DPP6: variants seen among roughly 807,000 people sequenced by gnomAD.
The protein encoded by DPP6 is A-type potassium channel modulatory protein DPP6.
In DPP6, 69 loss-of-function variants were observed where a neutral mutation model predicts 122.6. The observed-to-expected ratio is 0.56, with a 90% confidence interval of 0.46 to 0.69. The LOEUF is 0.69. Among genes scored for constraint, DPP6 ranks in the 30% least tolerant of loss-of-function variants. DPP6 has a pLI of 0.00. For missense variants in DPP6, 928 were observed against 1,116.9 expected, an observed-to-expected ratio of 0.83 and a Z score of 2.41; for synonymous variants, 418 against 433.1, an observed-to-expected ratio of 0.97 and a Z score of 0.43.
chr7:154,482,720 T>C (rs914311697), intron 3 of DPP6, among the ~76,000 whole-genome samples: 5 of 152,228 alleles, frequency 3.3e-5, no homozygotes, highest in Non-Finnish European at 7.3e-5. Flanking sequence ...TGTGCCTTAA[T>C]TTGCGCCATC....
intron 24 of DPP6, 40 bp downstream of exon 24, chr7:154,889,384 G>A (rs1806419996): frequency 1.2e-6 from 2 of 1,609,280 alleles, no homozygotes; most frequent in South Asian, 1.1e-5. Context: ...TATCTAGTAA[G>A]AGCCTCCTCC....
chr7:154,729,684 A>G (rs1275796665), intron 8 of DPP6, among the ~76,000 whole-genome samples: 1 of 152,224 alleles, frequency 6.6e-6, no homozygotes, highest in African/African-American at 2.4e-5. Context: ...TCTAACAGAC[A>G]TACTGGAACC....
chr7:154,226,653 G>A (rs1024504946), intron 1 of DPP6, among the ~76,000 whole-genome samples: 1 of 152,142 alleles, frequency 6.6e-6, no homozygotes, highest in Non-Finnish European at 1.5e-5. Flanking sequence ...TTTCAGGATC[G>A]ACTCTACATG....
chr7:154,338,961 G>A (rs1443041788), intron 1 of DPP6, among the ~76,000 whole-genome samples: 1 of 152,178 alleles, frequency 6.6e-6, no homozygotes, highest in Non-Finnish European at 1.5e-5. Context: ...CGATGTGCGG[G>A]TGCCAATCTG....
Position 154,664,345 on chromosome 7 carries a change from C to T in DPP6, c.681-5015C>T, listed in dbSNP as rs549312984. On this transcript the variant is annotated intron_variant, in intron 6 of 25. Coordinates refer to ENST00000377770, the MANE Select transcript of DPP6 (RefSeq NM_130797.4). ...AGCATTTATGGGAATTTACATTTGT[C>T]GTATCAAAGAAAAGTTAATCCCCTG... 3.9e-5 allele frequency among the ~76,000 whole-genome samples: 6 copies of T among 152,306 alleles called. No homozygotes were observed. In the South Asian group the frequency reaches 1.0e-3, roughly 26 times the overall value.
chr7:154,839,515 G>A (rs1465028972), intron 16 of DPP6, among the ~76,000 whole-genome samples: 3 of 152,212 alleles, frequency 2.0e-5, no homozygotes, highest in Admixed American at 2.0e-4. Flanking sequence ...CTTGCCTGGG[G>A]CTACGTTAAG....
chr7:154,699,847 A>C (rs186941430), intron 7 of DPP6, among the ~76,000 whole-genome samples: 1 of 152,196 alleles, frequency 6.6e-6, no homozygotes, highest in African/African-American at 2.4e-5. Context: ...AGTTCCATAA[A>C]GTCAGAACAG....
intron 1 of DPP6, among the ~76,000 whole-genome samples, chr7:154,055,074 T>A (rs1238662082): frequency 6.7e-6 from 1 of 148,480 alleles, no homozygotes; most frequent in Non-Finnish European, 1.5e-5. Context: ...CTAACTTAGA[T>A]GTAAGTCCTG....
At chr7:154,383,387 A>G (rs1813797808) in intron 1 of DPP6, among the ~76,000 whole-genome samples, 1 of 152,290 alleles carries the variant, frequency 6.6e-6, no homozygotes, top group East Asian at 1.9e-4. Flanking sequence ...CCTCTAATTA[A>G]TGGAAACACT....
intron 10 of DPP6, among the ~76,000 whole-genome samples, chr7:154,774,730 G>A (rs1796460787): frequency 6.6e-6 from 1 of 152,244 alleles, no homozygotes; most frequent in Non-Finnish European, 1.5e-5. Flanking sequence ...CAGGCTCAAT[G>A]TAGAGCAGAT....
chr7:154,614,407 T>C (rs1027362200), intron 5 of DPP6, among the ~76,000 whole-genome samples: 17 of 145,244 alleles, frequency 1.2e-4, no homozygotes, highest in African/African-American at 3.9e-4. Flanking sequence ...TTTTCTTCTG[T>C]ATCAAGCTTT....
At position 154,573,135 on chromosome 7, in the gene DPP6, T is replaced by A. The variant is rs79043073; in HGVS notation, c.627+6219T>A. 5.2e-3 allele frequency among the ~76,000 whole-genome samples: 787 copies of A among 152,314 alleles called. 4 individuals are homozygous for A. The highest frequency in any genetic ancestry group is 0.018 in the African/African-American group (737 of 41,568). On this transcript the variant is annotated intron_variant, in intron 5 of 25. Transcript: ENST00000377770. ...TTGTGTTTCTTGATTCTCGTGCTCT[T>A]GGACTGGTTCTTTCTGCACTGTCTA...
chr7:154,136,979 G>A (rs1272969103), intron 1 of DPP6, among the ~76,000 whole-genome samples: 2 of 152,166 alleles, frequency 1.3e-5, no homozygotes, highest in Non-Finnish European at 2.9e-5. Context: ...GATAGGGTTG[G>A]GAGAACCACC....
intron 1 of DPP6, among the ~76,000 whole-genome samples, chr7:154,107,006 A>G (rs1334632902): frequency 6.6e-6 from 1 of 152,168 alleles, no homozygotes; most frequent in Non-Finnish European, 1.5e-5. Flanking sequence ...TTACAGCCAT[A>G]TGGAAAATAG....
At chr7:154,509,998 AT>A (rs1357018123) in intron 3 of DPP6, among the ~76,000 whole-genome samples, 1 of 152,234 alleles carries the variant, frequency 6.6e-6, no homozygotes. Flanking sequence ...TTCTGAGAAT[AT>A]TCTAAAATTA....
At chr7:154,404,345 G>A (rs1815890451) in intron 1 of DPP6, among the ~76,000 whole-genome samples, 1 of 152,194 alleles carries the variant, frequency 6.6e-6, no homozygotes, top group African/African-American at 2.4e-5. Context: ...CTCAAAAGCA[G>A]TGGAAGAAAT....
chr7:154,063,142 G>T (rs1319092444), intron 1 of DPP6, among the ~76,000 whole-genome samples: 1 of 127,564 alleles, frequency 7.8e-6, no homozygotes, highest in Non-Finnish European at 1.7e-5. Flanking sequence ...CCACGAGAGT[G>T]GGGACTGAGA....
chr7:154,686,879 A>C (rs949685244), intron 7 of DPP6, among the ~76,000 whole-genome samples: 1 of 152,180 alleles, frequency 6.6e-6, no homozygotes, highest in Non-Finnish European at 1.5e-5. Flanking sequence ...TCCAGTCAGC[A>C]TGAAATACAG....
chr7:154,688,108 G>A (rs922020193), intron 7 of DPP6, among the ~76,000 whole-genome samples: 7 of 152,114 alleles, frequency 4.6e-5, no homozygotes, highest in Non-Finnish European at 5.9e-5. Context: ...CAGTCACCTG[G>A]GCATGCTGCT....
Sources: allele counts gnomAD v4.1 joint callset (sites outside exome capture counted in the v4.1 genomes callset), GRCh38; gene constraint gnomAD v4.1.1; transcripts MANE v1.5; gene names NCBI Gene and HGNC (gene_info 2026-07-23, HGNC 2026-07-21).